SPATA31D1: variants seen among roughly 807,000 people sequenced by gnomAD.
SPATA31D1 encodes the protein spermatogenesis-associated protein 31D1.
A neutral mutation model predicts 13.2 loss-of-function variants in SPATA31D1; 6 were observed. The observed-to-expected ratio is 0.46, with a 90% confidence interval of 0.25 to 0.90. The LOEUF is 0.90. Ranked by LOEUF, SPATA31D1 falls within the 40% of genes least tolerant of loss-of-function variation. The pLI is 0.18. For synonymous variants in SPATA31D1, 903 were observed against 718.8 expected, an observed-to-expected ratio of 1.26 and a Z score of -4.10; for missense variants, 2,445 against 1,884.7, an observed-to-expected ratio of 1.30 and a Z score of -5.50.
rs542922227 is a variant in SPATA31D1 at position 81,990,553 on chromosome 9, T to C, written c.302+67T>C. 5.7e-5 allele frequency: 84 copies of C among 1,473,780 alleles called. No individual in the cohort carries two copies. The Admixed American group carries it at 7.6e-4, about 13-fold the overall frequency. 91.3% of individuals were successfully genotyped at this position (1,473,780 alleles called of 1,614,324 possible). A position where few individuals can be genotyped will look rare whatever the true frequency, so the allele number is the denominator to read the frequency against. On this transcript the variant is annotated intron_variant, in intron 3 of 3. Coordinates refer to ENST00000344803, the MANE Select transcript of SPATA31D1 (RefSeq NM_001001670.3). Reference sequence around the variant, plus strand: ...CTTCTTCTTTAGTACGTTCTATTCATTTCAGGGATTCCTTGTAGCCTGCTG... The same window carrying C: ...CTTCTTCTTTAGTACGTTCTATTCACTTCAGGGATTCCTTGTAGCCTGCTG...
intron 2 of SPATA31D1, chr9:81,990,057 A>T (rs1211356604): frequency 1.9e-6 from 1 of 537,786 alleles, no homozygotes. Context: ...GGTGTTGCCC[A>T]ATTGGTGGCC....
Position 81,990,823 on chromosome 9 carries a change from A to G in SPATA31D1, c.353A>G (p.Asn118Ser), listed in dbSNP as rs776728368. Reference protein sequence around the residue: ...CSPRGQHHDTNHFRRLLCPDP... With the variant: ...CSPRGQHHDTSHFRRLLCPDP... Reference sequence around the variant, plus strand: ...CCTCGGGGCCAGCATCATGATACCAACCACTTTCGTCGACTGTTATGCCCA... The same window carrying G: ...CCTCGGGGCCAGCATCATGATACCAGCCACTTTCGTCGACTGTTATGCCCA... The change falls in exon 4 of 4, where the codon AAC becomes AGC. Residue 118 changes from asparagine (N) to serine (S), a missense_variant. Transcript: ENST00000344803. The G allele has an allele frequency of 2.5e-6, 4 of 1,613,530 alleles. No homozygotes were observed. Among genetic ancestry groups the G allele is most frequent in the Non-Finnish European group, 3.4e-6 (4 of 1,179,746 alleles).
rs372214568 is a variant in SPATA31D1, at chr9:81,993,441, T to C, written c.2971T>C (p.Ser991Pro). The C allele has an allele frequency of 1.3e-4, 203 of 1,613,740 alleles. No individual in the cohort carries two copies. The highest frequency in any genetic ancestry group is 1.7e-4 in the Non-Finnish European group (197 of 1,179,868). The change falls in exon 4 of 4, where the codon TCA (serine) becomes CCA (proline). Residue 991 changes from serine to proline, a missense_variant. Ser to Pro is a moderately conservative substitution (Grantham distance 74). Coordinates refer to ENST00000344803, the MANE Select transcript of SPATA31D1 (RefSeq NM_001001670.3). ...PILDRPHPVS[S>P]PVVQEGQGTL... ...CCTTGATCGTCCTCACCCTGTCTCC[T>C]CACCTGTCGTCCAAGAAGGGCAGGG...
At position 81,994,813 on chromosome 9, in the gene SPATA31D1, A is replaced by G; in HGVS notation, c.4343A>G (p.His1448Arg). 2 of 1,613,974 alleles carry G rather than the reference A, an allele frequency of 1.2e-6. No homozygotes were observed. Among genetic ancestry groups the G allele is most frequent in the Non-Finnish European group, 1.7e-6 (2 of 1,179,886 alleles). Residue 1448 changes from histidine (H) to arginine (R), a missense_variant, in exon 4 of 4, where the codon CAT (histidine) becomes CGT (arginine). His to Arg is a conservative substitution (Grantham distance 29). Coordinates refer to ENST00000344803, the MANE Select transcript of SPATA31D1 (RefSeq NM_001001670.3). ...AAAGCTCAGCACAACCCAGAAGTGC[A>G]TGTCAGAGCAGAGCCTGTCCAGGGC... ...LGKAQHNPEV[H>R]VRAEPVQGCP... is the part of the protein sequence containing the mutation.
chr9:81,991,571 T>C lies in SPATA31D1; in HGVS notation c.1101T>C (p.Phe367=), dbSNP rs1188092620. 1.2e-6 allele frequency: 2 copies of C among 1,613,900 alleles called. No homozygotes were observed. The highest frequency in any genetic ancestry group is 3.3e-5 in the Admixed American group (2 of 60,004). The change falls in exon 4 of 4, where the codon TTT becomes TTC. Residue 367 remains phenylalanine, a synonymous_variant. Coordinates refer to ENST00000344803, the MANE Select transcript of SPATA31D1 (RefSeq NM_001001670.3). ...GGCAGCCTCATGCCAAGGACTCTTTTTCCTCTAATTTTGTGCCATCTGATT... is the reference window on the plus strand; with the variant it reads ...GGCAGCCTCATGCCAAGGACTCTTTCTCCTCTAATTTTGTGCCATCTGATT... ...TWWQPHAKDS[F]SSNFVPSDFM...
chr9:81,991,749 A>T lies in SPATA31D1; in HGVS notation c.1279A>T (p.Met427Leu). Residue 427 changes from methionine to leucine, a missense_variant, in exon 4 of 4, where the codon ATG becomes TTG. Transcript: ENST00000344803. ...RQVKKRGDFL[M>L]WKENGKKPGS... ...AGTCAAAAAAAGGGGTGATTTCCTGATGTGGAAAGAAAATGGAAAGAAACC... is the reference window on the plus strand; with the variant it reads ...AGTCAAAAAAAGGGGTGATTTCCTGTTGTGGAAAGAAAATGGAAAGAAACC... 1.2e-6 allele frequency: 2 copies of T among 1,613,780 alleles called. No individual in the cohort carries two copies. The highest frequency in any genetic ancestry group is 1.7e-6 in the Non-Finnish European group (2 of 1,179,726).
chr9:81,990,820 C>A lies in SPATA31D1; in HGVS notation c.350C>A (p.Thr117Asn), dbSNP rs768697397. Residue 117 changes from threonine to asparagine, a missense_variant, in exon 4 of 4, where the codon ACC (threonine) becomes AAC (asparagine). By Grantham distance (65) the Thr-to-Asn change is moderately conservative. Transcript: ENST00000344803. ...AGTCCTCGGGGCCAGCATCATGATA[C>A]CAACCACTTTCGTCGACTGTTATGC... ...SCSPRGQHHD[T>N]NHFRRLLCPD... 3.1e-6 allele frequency: 5 copies of A among 1,613,666 alleles called. No individual in the cohort carries two copies. In the South Asian group the frequency reaches 5.5e-5, roughly 18 times the overall value.
At position 81,993,363 on chromosome 9, in the gene SPATA31D1, A is replaced by G. The variant is rs1385666456; in HGVS notation, c.2893A>G (p.Ser965Gly). 3.1e-6 allele frequency: 5 copies of G among 1,613,846 alleles called. 1 individual carries two copies. The African/African-American group carries it at 4.0e-5, about 13-fold the overall frequency. Residue 965 changes from serine to glycine, a missense_variant, in exon 4 of 4, where the codon AGT (serine) becomes GGT (glycine). Physicochemically the swap from Ser to Gly is moderately conservative, Grantham distance 56. Coordinates refer to ENST00000344803, the MANE Select transcript of SPATA31D1 (RefSeq NM_001001670.3). ...DSKDGVSKSRSRSTFQGEKLG... is the reference protein window; with the variant it reads ...DSKDGVSKSRGRSTFQGEKLG... ...CAAAGATGGGGTCTCTAAGTCCCGT[A>G]GTCGAAGCACTTTTCAAGGAGAAAA...
Position 81,991,567 on chromosome 9 carries a change from C to A in SPATA31D1, c.1097C>A (p.Ser366Tyr). The A allele has an allele frequency of 1.2e-6, 2 of 1,614,000 alleles. No homozygotes were observed. Among genetic ancestry groups the A allele is most frequent in the Non-Finnish European group, 1.7e-6 (2 of 1,179,896 alleles). ...TGGTGGCAGCCTCATGCCAAGGACT[C>A]TTTTTCCTCTAATTTTGTGCCATCT... The part of the protein sequence containing the change: ...FTWWQPHAKD[S>Y]FSSNFVPSDF... The change falls in exon 4 of 4, where the codon TCT (serine) becomes TAT (tyrosine). Residue 366 changes from serine (S) to tyrosine (Y), a missense_variant. Transcript: ENST00000344803.
In SPATA31D1 at chr9:81,991,372, CA is replaced by C; in HGVS notation, c.903del (p.Ser302LeufsTer10). 1 of 1,614,004 alleles carries C rather than the reference CA, an allele frequency of 6.2e-7. No individual in the cohort carries two copies. The highest frequency in any genetic ancestry group is 8.5e-7 in the Non-Finnish European group (1 of 1,179,896). On this transcript the variant is annotated frameshift_variant, in exon 4 of 4. Transcript: ENST00000344803. LOFTEE classifies it low-confidence loss of function (END_TRUNC). ...GCTCGTCATCACGGACCACCAATCC[CA>C]TCTGCTTTACCACCGGAAGATTGCA... is the stretch of plus-strand genomic sequence containing the variant. Reference protein sequence around the residue: ...SCARHHGPPIPSALPPEDCTV... With the variant: ...SCARHHGPPIXSALPPEDCTV...
Position 81,995,186 on chromosome 9 carries a change from T to A in SPATA31D1, c.4716T>A (p.Phe1572Leu), listed in dbSNP as rs778521614. The A allele has an allele frequency of 1.3e-6, 2 of 1,527,738 alleles. No homozygotes were observed. Among genetic ancestry groups the A allele is most frequent in the Non-Finnish European group, 1.8e-6 (2 of 1,135,902 alleles). 94.6% of individuals were successfully genotyped at this position (1,527,738 alleles called of 1,614,324 possible). A position where few individuals can be genotyped will look rare whatever the true frequency, so the allele number is the denominator to read the frequency against. The change falls in exon 4 of 4, where the codon TTT becomes TTA. Residue 1572 changes from phenylalanine to leucine, a missense_variant. Phe to Leu is a conservative substitution (Grantham distance 22). Coordinates refer to ENST00000344803, the MANE Select transcript of SPATA31D1 (RefSeq NM_001001670.3). Reference sequence around the variant, plus strand: ...CAAAGCATTTACAGGGAGGAAAATTTCCCCCCACAAAATAATTCACTCCTT... The same window carrying A: ...CAAAGCATTTACAGGGAGGAAAATTACCCCCCACAAAATAATTCACTCCTT... The part of the protein sequence containing the change: ...MLPKHLQGGK[F>L]PPTK
rs1045578435 is a variant in SPATA31D1, at chr9:81,994,688, G to T, written c.4218G>T (p.Arg1406Ser). 4 of 1,613,506 alleles carry T rather than the reference G, an allele frequency of 2.5e-6. No homozygotes were observed. In the African/African-American group the frequency reaches 4.0e-5, roughly 16 times the overall value. The change falls in exon 4 of 4, where the codon AGG becomes AGT. Residue 1406 changes from arginine (R) to serine (S), a missense_variant. Arg to Ser is a moderately radical substitution (Grantham distance 110). Transcript: ENST00000344803. ...GGACTACTGAAGCTCAGAAAATTAG[G>T]AAAGACACTAGGGAGTTCCTAGAAG... ...FTGTTEAQKI[R>S]KDTREFLEEK... is the part of the protein sequence containing the mutation.
rs774959316 is a variant in SPATA31D1, at chr9:81,991,133, G to A, written c.663G>A (p.Leu221=). 1 of 1,613,506 alleles carries A rather than the reference G, an allele frequency of 6.2e-7. No individual in the cohort carries two copies. Among genetic ancestry groups the A allele is most frequent in the Non-Finnish European group, 8.5e-7 (1 of 1,179,716 alleles). The change falls in exon 4 of 4, where the codon CTG becomes CTA. Residue 221 remains leucine, a synonymous_variant. Coordinates refer to ENST00000344803, the MANE Select transcript of SPATA31D1 (RefSeq NM_001001670.3). The part of the protein sequence containing the change: ...LFSPSPLRDP[L]PPQPVSPLDS... ...CACCCTCACCACTGAGGGACCCTCT[G>A]CCACCACAGCCTGTTTCTCCCTTGG...
At position 81,991,995 on chromosome 9, in the gene SPATA31D1, T is replaced by C. The variant is rs757873377; in HGVS notation, c.1525T>C (p.Ser509Pro). ...TGTCCAGCTCTTCTGGGGTCTCCCA[T>C]CTTTGCACAGCGAGTCTCTGCATCC... Reference protein sequence around the residue: ...KYVQLFWGLPSLHSESLHPTV... With the variant: ...KYVQLFWGLPPLHSESLHPTV... The change falls in exon 4 of 4, where the codon TCT becomes CCT. Residue 509 changes from serine to proline, a missense_variant. By Grantham distance (74) the Ser-to-Pro change is moderately conservative (BLOSUM62 -1). Coordinates refer to ENST00000344803, the MANE Select transcript of SPATA31D1 (RefSeq NM_001001670.3). 1.9e-6 allele frequency: 3 copies of C among 1,613,814 alleles called. No individual in the cohort carries two copies. Among genetic ancestry groups the C allele is most frequent in the Admixed American group, 1.7e-5 (1 of 60,020 alleles).
At chr9:81,988,011 GGACTTACA>G (rs1824885022), upstream of SPATA31D1, among the ~76,000 whole-genome samples, 1 of 152,150 alleles carries the variant, frequency 6.6e-6, no homozygotes, top group African/African-American at 2.4e-5. Context: ...TGCATGCGGA[GGACTTACA>G]GACCTCCGCT....
At position 81,990,463 on chromosome 9, in the gene SPATA31D1, G is replaced by A. The variant is rs774672809; in HGVS notation, c.279G>A (p.Arg93=). The change falls in exon 3 of 4, where the codon AGG becomes AGA. Residue 93 remains arginine, a synonymous_variant. Transcript: ENST00000344803. ...KSFQREEEEE[R]KLLSLLKSFG... ...TCCAGAGAGAAGAGGAAGAGGAAAG[G>A]AAGCTGCTTTCTCTTCTGAAAAGGT... 7 of 1,608,308 alleles carry A rather than the reference G, an allele frequency of 4.4e-6. No homozygotes were observed. Among genetic ancestry groups the A allele is most frequent in the South Asian group, 2.2e-5 (2 of 89,538 alleles).
Position 81,991,051 on chromosome 9 carries a change from C to A in SPATA31D1, c.581C>A (p.Pro194Gln). Reference protein sequence around the residue: ...LILSPRPKASPPPPLILSPDL... With the variant: ...LILSPRPKASQPPPLILSPDL... ...CTGTCCCCTCGGCCTAAGGCCTCTC[C>A]ACCACCCCCCTTAATTCTCTCACCT... The change falls in exon 4 of 4, where the codon CCA becomes CAA. Residue 194 changes from proline (P) to glutamine (Q), a missense_variant. By Grantham distance (76) the Pro-to-Gln change is moderately conservative. Coordinates refer to ENST00000344803, the MANE Select transcript of SPATA31D1 (RefSeq NM_001001670.3). 6.2e-7 allele frequency: 1 copy of A among 1,613,710 alleles called. No individual in the cohort carries two copies. The highest frequency in any genetic ancestry group is 8.5e-7 in the Non-Finnish European group (1 of 1,179,730).
chr9:81,994,054 C>A lies in SPATA31D1; in HGVS notation c.3584C>A (p.Pro1195His). The change falls in exon 4 of 4, where the codon CCT becomes CAT. Residue 1195 changes from proline (P) to histidine (H), a missense_variant. Physicochemically the swap from Pro to His is moderately conservative, Grantham distance 77 (BLOSUM62 -2). Transcript: ENST00000344803. ...CCAAGAATATCAGTTCCTCAAGATC[C>A]TAAATCATCATACCTTAAAAATCAG... ...FPPRISVPQDPKSSYLKNQML... is the reference protein window; with the variant it reads ...FPPRISVPQDHKSSYLKNQML... 6.2e-7 allele frequency: 1 copy of A among 1,613,770 alleles called. No individual in the cohort carries two copies. The highest frequency in any genetic ancestry group is 8.5e-7 in the Non-Finnish European group (1 of 1,179,754).
At chr9:81,990,263 A>G (rs1824924222) in intron 2 of SPATA31D1, 154 bp from the exon 3 acceptor site, 1 of 600,516 alleles carries the variant, frequency 1.7e-6, no homozygotes, top group South Asian at 2.5e-5. Flanking sequence ...GATGCCACAT[A>G]CACATGTGAA....
Sources: allele counts gnomAD v4.1 joint callset (sites outside exome capture counted in the v4.1 genomes callset), GRCh38; gene constraint gnomAD v4.1.1; transcripts MANE v1.5; gene names NCBI Gene and HGNC (gene_info 2026-07-23, HGNC 2026-07-21).